Variants in SLC12A5 observed in about 807,000 individuals in gnomAD.
SLC12A5 encodes solute carrier family 12 member 5.
Under a neutral mutation model 124.0 loss-of-function variants are expected in SLC12A5, and 18 were observed. The ratio of observed to expected loss-of-function variants is 0.15; its 90% CI spans 0.10 to 0.22. SLC12A5 has a LOEUF of 0.22. Ranked by LOEUF, SLC12A5 falls within the 10% of genes least tolerant of loss-of-function variation. The pLI is 1.00. For synonymous variants in SLC12A5, 589 were observed against 568.0 expected (o/e 1.04, Z -0.53); for missense variants, 867 against 1,478.7 (o/e 0.59, Z 6.78).
In SLC12A5 at chr20:46,034,844, C is replaced by A. The variant is rs767465930; in HGVS notation, c.53-104C>A. 7.9e-6 allele frequency: 8 copies of A among 1,017,136 alleles called. No homozygotes were observed. In the Admixed American group the frequency reaches 1.1e-4, roughly 14 times the overall value. The allele number at this position is 1,017,136 out of a possible 1,614,324, so 63.0% of individuals were successfully genotyped here. ...TGGTATTAGCCCCATTTTCCCAATG[C>A]GCGAACTGAGATTCAGAGGGCTACT... On this transcript the variant is annotated intron_variant, in intron 1 of 25. Coordinates refer to ENST00000243964, the MANE Select transcript of SLC12A5 (RefSeq NM_020708.5).
At chr20:46,037,440 G>C in intron 6 of SLC12A5, 55 bp downstream of exon 6, 1 of 1,553,662 alleles carries the variant, frequency 6.4e-7, no homozygotes. Flanking sequence ...CAGTTAATCA[G>C]TGCTCCCTGG....
Position 46,045,166 on chromosome 20 carries a change from C to T in SLC12A5, c.1569+26C>T. 1 of 1,539,270 alleles carries T rather than the reference C, an allele frequency of 6.5e-7. No individual in the cohort carries two copies. Among genetic ancestry groups the T allele is most frequent in the Non-Finnish European group, 8.7e-7 (1 of 1,146,810 alleles). ...GTCAGTGTGGGAGAAGAACAGCCCA[C>T]CCTCAGTAGACCAGCCAGGCCCCTG... On this transcript the variant is annotated intron_variant, in intron 12 of 25. Transcript: ENST00000243964. This position sits in a 1 kb window ranked among gnomAD's most constrained non-coding sequence, Gnocchi z 4.9.
chr20:46,043,385 T>C lies in SLC12A5; in HGVS notation c.1237+62T>C, dbSNP rs560632975. 4,631 of 1,563,552 alleles carry C rather than the reference T, an allele frequency of 3.0e-3. 8 individuals carry two copies. The highest frequency in any genetic ancestry group is 4.3e-3 in the Admixed American group (239 of 55,894). On this transcript the variant is annotated intron_variant, in intron 9 of 25. Coordinates refer to ENST00000243964, the MANE Select transcript of SLC12A5 (RefSeq NM_020708.5). ...GAGTGGATGGGGAAGAGAGAGTCGA[T>C]GATGATGTTGGGAATTTCTTAGTCC...
chr20:46,035,892 CCTT>C lies in SLC12A5; in HGVS notation c.398_400del (p.Phe133del). 1 of 1,613,872 alleles carries C rather than the reference CCTT, an allele frequency of 6.2e-7. No individual in the cohort carries two copies. Among genetic ancestry groups the C allele is most frequent in the Non-Finnish European group, 8.5e-7 (1 of 1,179,816 alleles). ...GTGGGCATTGCAGGCATCATGGAGT[CCTT>C]CTGCATGGTGTTCATCTGCTGCTCC... is the stretch of plus-strand genomic sequence containing the variant. On this transcript the variant is annotated inframe_deletion, in exon 4 of 26. Coordinates refer to ENST00000243964, the MANE Select transcript of SLC12A5 (RefSeq NM_020708.5).
chr20:46,024,091 TG>T (rs1306592313), downstream of SLC12A5, among the ~76,000 whole-genome samples: 1 of 152,026 alleles, frequency 6.6e-6, no homozygotes, highest in Non-Finnish European at 1.5e-5. Context: ...CCCCAAGCTT[TG>T]GGTGTGCAGG....
chr20:46,033,186 G>C (rs572483982), intron 1 of SLC12A5, among the ~76,000 whole-genome samples: 38 of 152,288 alleles, frequency 2.5e-4, no homozygotes, highest in Admixed American at 1.2e-3. Flanking sequence ...ACTGAGGAAG[G>C]TTTCCCGGAG....
At chr20:46,051,914 G>A (rs1425513235) in intron 18 of SLC12A5, 44 bp downstream of exon 18, 1 of 1,360,158 alleles carries the variant, frequency 7.4e-7, no homozygotes, top group South Asian at 1.4e-5. Flanking sequence ...GTGGGGCTGG[G>A]GGCTGTAGAG....
At chr20:46,022,873 C>A in intron 1 of SLC12A5, 1 of 398,164 alleles carries the variant, frequency 2.5e-6, no homozygotes, top group Non-Finnish European at 4.4e-6. Context: ...ATCAGGGGTC[C>A]TCTCCCTGGC....
At chr20:46,023,113 G>T in intron 2 of SLC12A5, 1 of 399,168 alleles carries the variant, frequency 2.5e-6, no homozygotes, top group South Asian at 1.3e-4. Context: ...GAAACCCCTA[G>T]AGTAACCCTT....
In SLC12A5 at chr20:46,048,537, G is replaced by A. The variant is rs112810834; in HGVS notation, c.2012+452G>A. 3.1e-3 allele frequency among the ~76,000 whole-genome samples: 470 copies of A among 152,184 alleles called. 5 individuals carry two copies. Among genetic ancestry groups the A allele is most frequent in the African/African-American group, 0.011 (454 of 41,518 alleles). On this transcript the variant is annotated intron_variant, in intron 16 of 25. Transcript: ENST00000243964. The stretch of plus-strand genomic sequence containing the variant: ...CTTTGAGAGTTATAGGGGCTCTTAG[G>A]CATCTCTAGATTAATGACAATTCAT...
chr20:46,022,851 CAG>C, intron 1 of SLC12A5: 1 of 399,368 alleles, frequency 2.5e-6, no homozygotes, highest in South Asian at 1.3e-4. Flanking sequence ...AGTCTCCCCT[CAG>C]GGGGCACTCA....
At chr20:46,044,231 G>A (rs1167179899) in intron 11 of SLC12A5, among the ~76,000 whole-genome samples, 1 of 152,176 alleles carries the variant, frequency 6.6e-6, no homozygotes, top group Admixed American at 6.5e-5. Context: ...TGGTCACACA[G>A]ACAGGAGTGG....
rs1008393514 is a variant in SLC12A5 at position 46,021,890 on chromosome 20, G to C, written c.48+4G>C. 7.5e-5 allele frequency: 115 copies of C among 1,523,386 alleles called. No individual in the cohort carries two copies. The highest frequency in any genetic ancestry group is 9.5e-5 in the Non-Finnish European group (108 of 1,141,476). 94.4% of individuals were successfully genotyped at this position (1,523,386 alleles called of 1,614,324 possible). A position where few individuals can be genotyped will look rare whatever the true frequency, so the allele number is the denominator to read the frequency against. On this transcript the variant is annotated splice_donor_region_variant and intron_variant, in intron 1 of 2. Transcript: ENST00000413737. ...CTCCCGGGGGAAGACGTCAAAGGTAGAGGCCGCAGGGGGCGGGGCCTGCCA... is the reference window on the plus strand; with the variant it reads ...CTCCCGGGGGAAGACGTCAAAGGTACAGGCCGCAGGGGGCGGGGCCTGCCA...
At chr20:46,054,370 T>C (rs1247703006) in intron 20 of SLC12A5, among the ~76,000 whole-genome samples, 1 of 152,180 alleles carries the variant, frequency 6.6e-6, no homozygotes, top group Admixed American at 6.5e-5. Context: ...ATTTGCCCAA[T>C]AACACAGAGT....
At chr20:46,052,585 C>T (rs758698349) in intron 18 of SLC12A5, among the ~76,000 whole-genome samples, 2 of 152,272 alleles carry the variant, frequency 1.3e-5, no homozygotes, top group South Asian at 2.1e-4. Flanking sequence ...TGAACCAGCC[C>T]GGAGGCTACA....
Position 46,056,041 on chromosome 20 carries a change from C to G in SLC12A5, c.2788-109C>G, listed in dbSNP as rs190156925. 25 of 1,452,854 alleles carry G rather than the reference C, an allele frequency of 1.7e-5. No homozygotes were observed. In the Admixed American group the frequency reaches 3.2e-4, roughly 18 times the overall value. The allele number at this position is 1,452,854 out of a possible 1,614,324, so 90.0% of individuals were successfully genotyped here. A position where few individuals can be genotyped will look rare whatever the true frequency, so the allele number is the denominator to read the frequency against. ...CATAGCAATATTTTAACAACTGGTACAGTTCCAGAAAGTGCATCCTGGCTG... is the reference window on the plus strand; with the variant it reads ...CATAGCAATATTTTAACAACTGGTAGAGTTCCAGAAAGTGCATCCTGGCTG... On this transcript the variant is annotated intron_variant, in intron 21 of 25. Transcript: ENST00000243964. This position sits in a 1 kb window ranked among gnomAD's most constrained non-coding sequence, Gnocchi z 4.3.
At position 46,056,754 on chromosome 20, in the gene SLC12A5, C is replaced by T. The variant is rs2084699531; in HGVS notation, c.3111-143C>T. 1 of 1,138,772 alleles carries T rather than the reference C, an allele frequency of 8.8e-7. No homozygotes were observed. The highest frequency in any genetic ancestry group is 1.3e-5 in the South Asian group (1 of 74,976). The allele number at this position is 1,138,772 out of a possible 1,614,324, so 70.5% of individuals were successfully genotyped here. On this transcript the variant is annotated intron_variant, in intron 23 of 25. Coordinates refer to ENST00000243964, the MANE Select transcript of SLC12A5 (RefSeq NM_020708.5). This position sits in a 1 kb window ranked among gnomAD's most constrained non-coding sequence, Gnocchi z 4.3. ...TGCTAAGTCTCAGAATTCCCAGTTG[C>T]AGGCAGCGGAAAGGTGAAGGGTGTG...
Position 46,043,335 on chromosome 20 carries a change from C to G in SLC12A5, c.1237+12C>G. 6.2e-7 allele frequency: 1 copy of G among 1,612,108 alleles called. No homozygotes were observed. The highest frequency in any genetic ancestry group is 8.5e-7 in the Non-Finnish European group (1 of 1,178,544). On this transcript the variant is annotated intron_variant, in intron 9 of 25. Transcript: ENST00000243964. ...CCCCTCAGTCACAGGTGAAGGGGAG[C>G]TCAGAGAGGGAAGACTCTGCCTGTG... is the stretch of plus-strand genomic sequence containing the variant.
intron 18 of SLC12A5, among the ~76,000 whole-genome samples, chr20:46,052,486 G>T (rs750725223): frequency 6.6e-6 from 1 of 152,224 alleles, no homozygotes; most frequent in Non-Finnish European, 1.5e-5. Flanking sequence ...GATCGCTTGC[G>T]CTCAGGAGTT....
Sources: gnomAD v4.1 joint callset for allele counts (sites outside exome capture counted in the v4.1 genomes callset) on GRCh38, gnomAD v4.1.1 for gene constraint, Gnocchi (gnomAD v3.1) non-coding constraint, MANE v1.5 for transcripts, NCBI Gene and HGNC (gene_info 2026-07-23, HGNC 2026-07-21) for gene names.